GRK3: variants seen among roughly 807,000 people sequenced by gnomAD.
GRK3 encodes G protein-coupled receptor kinase 3, also known as adrenergic, beta, receptor kinase 2.
GRK3 carries 54 observed loss-of-function variants against 95.7 expected under a neutral mutation model. The observed-to-expected ratio is 0.56, with a 90% confidence interval of 0.45 to 0.71. GRK3 has a LOEUF of 0.71. Among genes scored for constraint, GRK3 ranks in the 30% least tolerant of loss-of-function variants. The pLI is 0.00. For missense variants in GRK3, 649 were observed against 851.2 expected, an observed-to-expected ratio of 0.76 and a Z score of 2.96; for synonymous variants, 281 against 290.8, an observed-to-expected ratio of 0.97 and a Z score of 0.34.
chr22:25,687,597 T>G lies in GRK3; in HGVS notation c.887T>G (p.Phe296Cys), dbSNP rs750102479. The stretch of plus-strand genomic sequence containing the variant: ...GTGTTCTCTGAGAAGGAGATGCGGT[T>G]TTATGCCACTGAAATCATTCTGGGT... The part of the protein sequence containing the change: ...HGVFSEKEMR[F>C]YATEIILGLE... The change falls in exon 11 of 21, where the codon TTT (phenylalanine) becomes TGT (cysteine). Residue 296 changes from phenylalanine (F) to cysteine (C), a missense_variant. By Grantham distance (205) the Phe-to-Cys change is radical. This residue lies in a region of GRK3 where 382 missense variants were observed against 493.8 expected (regional missense o/e 0.77). Transcript: ENST00000324198. The G allele has an allele frequency of 6.2e-7, 1 of 1,614,170 alleles. No individual in the cohort carries two copies. Among genetic ancestry groups the G allele is most frequent in the Non-Finnish European group, 8.5e-7 (1 of 1,179,996 alleles).
chr22:25,665,217 G>A (rs1292964794), intron 5 of GRK3, among the ~76,000 whole-genome samples: 1 of 152,194 alleles, frequency 6.6e-6, no homozygotes, highest in East Asian at 1.9e-4. Flanking sequence ...CTCCACAAAT[G>A]TTAGCTATTA....
chr22:25,639,377 C>T (rs2084726811), intron 2 of GRK3, among the ~76,000 whole-genome samples: 1 of 152,148 alleles, frequency 6.6e-6, no homozygotes, highest in Non-Finnish European at 1.5e-5. Context: ...TGTGAGGTAA[C>T]AATTCCTTTC....
intron 12 of GRK3, among the ~76,000 whole-genome samples, chr22:25,692,361 T>C (rs2085171774): frequency 6.6e-6 from 1 of 152,252 alleles, no homozygotes; most frequent in African/African-American, 2.4e-5. Flanking sequence ...TCTTCCTAGT[T>C]GTGTCAGCCT....
intron 2 of GRK3, among the ~76,000 whole-genome samples, chr22:25,614,301 T>G (rs2084521512): frequency 6.6e-6 from 1 of 151,998 alleles, no homozygotes; most frequent in Non-Finnish European, 1.5e-5. Flanking sequence ...GCCTGGCTAA[T>G]TTTTGTATTT....
chr22:25,696,612 C>T (rs1472652104), intron 13 of GRK3, among the ~76,000 whole-genome samples: 3 of 152,106 alleles, frequency 2.0e-5, no homozygotes, highest in Non-Finnish European at 4.4e-5. Context: ...AACACAGTCC[C>T]GATAGTTTGC....
intron 2 of GRK3, among the ~76,000 whole-genome samples, chr22:25,620,016 G>T (rs4049391): frequency 4.3e-4 from 56 of 131,110 alleles, no homozygotes; most frequent in Non-Finnish European, 4.9e-4. Flanking sequence ...TTGTGTGTGT[G>T]TGTGTGTGTG....
At chr22:25,714,097 T>C (rs2085364496) in intron 17 of GRK3, among the ~76,000 whole-genome samples, 1 of 152,202 alleles carries the variant, frequency 6.6e-6, no homozygotes, top group African/African-American at 2.4e-5. Flanking sequence ...GTACTTCAAG[T>C]AAAATTCTGT....
chr22:25,629,147 A>G (rs1379128568), intron 2 of GRK3, among the ~76,000 whole-genome samples: 1 of 152,222 alleles, frequency 6.6e-6, no homozygotes, highest in African/African-American at 2.4e-5. Flanking sequence ...GGGGCATAGA[A>G]GGGGCAGCTC....
At chr22:25,607,058 C>A (rs1432672617) in intron 2 of GRK3, among the ~76,000 whole-genome samples, 6 of 152,012 alleles carry the variant, frequency 3.9e-5, no homozygotes, top group East Asian at 3.9e-4. Flanking sequence ...GAATAATTAA[C>A]CCCATATGTA....
intron 3 of GRK3, among the ~76,000 whole-genome samples, chr22:25,653,052 T>C (rs1284170635): frequency 6.6e-6 from 1 of 152,156 alleles, no homozygotes; most frequent in East Asian, 1.9e-4. Flanking sequence ...GTCATTAAGC[T>C]CCACATGACT....
In GRK3 at chr22:25,663,646, C is replaced by A; in HGVS notation, c.383C>A (p.Ala128Asp). Residue 128 changes from alanine to aspartate, a missense_variant, in exon 5 of 21, where the codon GCT (alanine) becomes GAT (aspartate). Transcript: ENST00000324198. ...CTTTGATAGCCTTTCTCAAAGCAAG[C>A]TGTAGAACACGTACAAAGTCATTTA... ...LSCSHPFSKQ[A>D]VEHVQSHLSK... The A allele has an allele frequency of 6.2e-7, 1 of 1,608,672 alleles. No individual in the cohort carries two copies. Among genetic ancestry groups the A allele is most frequent in the Non-Finnish European group, 8.5e-7 (1 of 1,177,554 alleles).
At chr22:25,579,688 G>T (rs1932032416) in intron 1 of GRK3, among the ~76,000 whole-genome samples, 1 of 151,934 alleles carries the variant, frequency 6.6e-6, no homozygotes, top group Non-Finnish European at 1.5e-5. Flanking sequence ...TAGCCAGGAT[G>T]GTCTCGATCT....
intron 1 of GRK3, among the ~76,000 whole-genome samples, chr22:25,590,203 T>C (rs1932446145): frequency 6.6e-6 from 1 of 152,180 alleles, no homozygotes; most frequent in East Asian, 1.9e-4. Context: ...TCCTGAAAGA[T>C]AAAAACTCTT....
At chr22:25,703,472 A>G (rs1409212677) in intron 13 of GRK3, 38 bp from the exon 14 acceptor site, 1 of 1,509,006 alleles carries the variant, frequency 6.6e-7, no homozygotes. Flanking sequence ...ATATCACCTG[A>G]TGCCATATTT....
chr22:25,692,707 T>C (rs7285623), intron 12 of GRK3, among the ~76,000 whole-genome samples: 60 of 152,348 alleles, frequency 3.9e-4, no homozygotes, highest in African/African-American at 1.4e-3. Context: ...TTTTGTGGTA[T>C]GGAAATTGAG....
At chr22:25,672,625 C>T (rs924802875) in intron 7 of GRK3, among the ~76,000 whole-genome samples, 2 of 152,086 alleles carry the variant, frequency 1.3e-5, no homozygotes, top group Admixed American at 6.5e-5. Context: ...AGTAAAAATA[C>T]AAATCTTTTA....
rs139683562 is a variant in GRK3, at chr22:25,586,100, T to G, written c.114-18277T>G. Among the ~76,000 whole-genome samples the G allele has an allele frequency of 2.6e-5, 3 of 117,078 alleles. No individual in the cohort carries two copies. The South Asian group carries it at 8.5e-4, about 33-fold the overall frequency. 76.8% of individuals were successfully genotyped at this position (117,078 alleles called of 152,430 possible). A position where few individuals can be genotyped will look rare whatever the true frequency, so the allele number is the denominator to read the frequency against. On this transcript the variant is annotated intron_variant, in intron 1 of 20. Coordinates refer to ENST00000324198, the MANE Select transcript of GRK3 (RefSeq NM_005160.4). The stretch of plus-strand genomic sequence containing the variant: ...ACTGACATGAATATGCTTATATCAT[T>G]GTGTAGTTTATTTAGAAAAATGATA...
chr22:25,617,149 C>T (rs970611315), intron 2 of GRK3, among the ~76,000 whole-genome samples: 7 of 152,156 alleles, frequency 4.6e-5, no homozygotes, highest in African/African-American at 9.7e-5. Context: ...TTACCTTATA[C>T]GATGCACTTA....
chr22:25,580,768 C>T (rs964654818), intron 1 of GRK3, among the ~76,000 whole-genome samples: 2 of 152,278 alleles, frequency 1.3e-5, no homozygotes, highest in African/African-American at 4.8e-5. Flanking sequence ...CTCCTGACCT[C>T]AGGTGATCCT....
Sources: allele counts gnomAD v4.1 joint callset (sites outside exome capture counted in the v4.1 genomes callset), GRCh38; gene constraint gnomAD v4.1.1; regional missense constraint gnomAD v4.1.1; transcripts MANE v1.5; gene names NCBI Gene and HGNC (gene_info 2026-07-23, HGNC 2026-07-21).